Variants in NUP88 observed in about 807,000 individuals in gnomAD.
NUP88 encodes the protein nuclear pore complex protein Nup88.
NUP88 carries 57 observed loss-of-function variants against 93.9 expected under a neutral mutation model. The ratio of observed to expected loss-of-function variants is 0.61; its 90% CI spans 0.49 to 0.76. The LOEUF (loss-of-function observed/expected upper bound fraction) is 0.76, where lower values mean the gene tolerates loss of function less well. NUP88 is among the 30% of genes least tolerant of loss of function. The pLI, the probability that NUP88 is intolerant of heterozygous loss-of-function variation, is 0.00. For missense variants in NUP88, 911 were observed against 901.0 expected (o/e 1.01, Z -0.14); for synonymous variants, 346 against 336.8 (o/e 1.03, Z -0.30).
In NUP88 at chr17:5,386,233, A is replaced by G. The variant is rs753470004; in HGVS notation, c.2199T>C (p.Asn733=). The G allele has an allele frequency of 3.2e-5, 51 of 1,613,274 alleles. 1 individual carries two copies. The South Asian group carries it at 5.3e-4, about 17-fold the overall frequency. ...AGAAGTTTACATGATTGCGGATATC[A>G]TTGATTTGCTTCACCATTTCCCTTA... is the stretch of plus-strand genomic sequence containing the variant. ...EHIREMVKQI[N]DIRNHVNF Residue 733 remains asparagine (N), a synonymous_variant, in exon 17 of 17, where the codon AAT becomes AAC. Transcript: ENST00000573584.
chr17:5,409,051 C>G, intron 4 of NUP88, 142 bp from the exon 5 acceptor site: 1 of 646,012 alleles, frequency 1.5e-6, no homozygotes, highest in Non-Finnish European at 2.5e-6. Context: ...ACTGAAAAGA[C>G]AAAAAATGAT....
At position 5,387,605 on chromosome 17, in the gene NUP88, C is replaced by T. The variant is rs1273940668; in HGVS notation, c.1835G>A (p.Arg612Lys). ...LEDLSYCREERKSLREMAERL... is the reference protein window; with the variant it reads ...LEDLSYCREEKKSLREMAERL... The stretch of plus-strand genomic sequence containing the variant: ...TATTCTTCTTATTTTTGACACTTAC[C>T]TCTCTTCTCGACAATAACTGAGATC... The change falls in exon 13 of 17, where the codon AGG (arginine) becomes AAG (lysine). Residue 612 changes from arginine (R) to lysine (K), a missense_variant and splice_region_variant. Arg to Lys is a conservative substitution (Grantham distance 26, BLOSUM62 2). Transcript: ENST00000573584. 3.7e-6 allele frequency: 6 copies of T among 1,612,500 alleles called. No homozygotes were observed. The highest frequency in any genetic ancestry group is 4.2e-6 in the Non-Finnish European group (5 of 1,178,832).
chr17:5,416,734 G>C, intron 1 of NUP88, 52 bp from the exon 2 acceptor site: 4 of 1,433,446 alleles, frequency 2.8e-6, no homozygotes, highest in African/African-American at 1.5e-5. Context: ...TTAAATATAG[G>C]TGGCAGTTAC....
chr17:5,402,524 G>T (rs1164269927), intron 7 of NUP88, among the ~76,000 whole-genome samples: 1 of 152,126 alleles, frequency 6.6e-6, no homozygotes, highest in Non-Finnish European at 1.5e-5. Flanking sequence ...TACACTCTTT[G>T]CTGGTTTGTT....
Position 5,404,044 on chromosome 17 carries a change from T to C in NUP88, c.1192+55A>G, listed in dbSNP as rs2151642161. ...TACATTACATAGGAACAGTCTATGA[T>C]AGTCTTAGTATAAAAATCATGGGAA... On this transcript the variant is annotated intron_variant, in intron 7 of 16. Coordinates refer to ENST00000573584, the MANE Select transcript of NUP88 (RefSeq NM_002532.6). 3 of 1,530,284 alleles carry C rather than the reference T, an allele frequency of 2.0e-6. No individual in the cohort carries two copies. The South Asian group carries it at 3.4e-5, about 17-fold the overall frequency. 94.8% of individuals were successfully genotyped at this position (1,530,284 alleles called of 1,614,324 possible).
At chr17:5,389,006 C>G (rs1597313682) in intron 10 of NUP88, 46 bp from the exon 11 acceptor site, 1 of 1,446,062 alleles carries the variant, frequency 6.9e-7, no homozygotes, top group East Asian at 2.3e-5. Context: ...GAGTGATTTA[C>G]TGTATTACAG....
At chr17:5,398,269 T>G (rs1180556098) in intron 8 of NUP88, among the ~76,000 whole-genome samples, 2 of 151,586 alleles carry the variant, frequency 1.3e-5, no homozygotes, top group African/African-American at 4.8e-5. Context: ...TTTTGATTAC[T>G]AATCAATCTC....
intron 1 of NUP88, 136 bp downstream of exon 1, chr17:5,419,218 G>T: frequency 4.0e-6 from 4 of 1,007,604 alleles, no homozygotes; most frequent in Non-Finnish European, 5.4e-6. Context: ...GAGTCCCCGC[G>T]ACCGCGTATG....
chr17:5,398,184 T>G (rs1027310001), intron 8 of NUP88, among the ~76,000 whole-genome samples: 2 of 152,122 alleles, frequency 1.3e-5, no homozygotes, highest in Admixed American at 1.3e-4. Context: ...ATTATAGGCG[T>G]AGGCCACTGC....
rs769892507 is a variant in NUP88, at chr17:5,387,887, A to G, written c.1661T>C (p.Ile554Thr). 5.0e-6 allele frequency: 8 copies of G among 1,613,526 alleles called. No individual in the cohort carries two copies. Among genetic ancestry groups the G allele is most frequent in the East Asian group, 2.2e-5 (1 of 44,892 alleles). Residue 554 changes from isoleucine to threonine, a missense_variant, in exon 12 of 17, where the codon ATA becomes ACA. Transcript: ENST00000573584. ...AAGGCATTCTTCAGGAGGAGGGGCTATGTCCTTTTCAGAAGCTCTTAAAAA... is the reference window on the plus strand; with the variant it reads ...AAGGCATTCTTCAGGAGGAGGGGCTGTGTCCTTTTCAGAAGCTCTTAAAAA... ...PAFLKASEKD[I>T]APPPEECLQL...
At chr17:5,418,038 G>GC (rs967036950) in intron 1 of NUP88, 7 of 149,860 alleles carry the variant, frequency 4.7e-5, no homozygotes, top group African/African-American at 1.7e-4. Context: ...TACTCGCGGG[G>GC]GGGGCTGAGG....
Position 5,399,599 on chromosome 17 carries a change from C to G in NUP88, c.1244G>C (p.Ser415Thr), listed in dbSNP as rs773175859. 4.5e-5 allele frequency: 72 copies of G among 1,611,012 alleles called. No individual in the cohort carries two copies. Among genetic ancestry groups the G allele is most frequent in the Non-Finnish European group, 5.5e-5 (65 of 1,178,058 alleles). The change falls in exon 8 of 17, where the codon AGT (serine) becomes ACT (threonine). Residue 415 changes from serine (S) to threonine (T), a missense_variant. By Grantham distance (58) the Ser-to-Thr change is moderately conservative. Transcript: ENST00000573584. ...YHCTHEAGVH[S>T]VGLTWIHKLH... ...TTTATGAATCCAAGTTAGCCCAACA[C>G]TATGTACACCAGCTTCATGAGTACA...
chr17:5,404,214 G>T lies in NUP88; in HGVS notation c.1077C>A (p.Leu359=). 1.9e-6 allele frequency: 3 copies of T among 1,614,144 alleles called. No individual in the cohort carries two copies. Among genetic ancestry groups the T allele is most frequent in the Non-Finnish European group, 2.5e-6 (3 of 1,179,992 alleles). ...SEKSWDSRID[L]IPSLYVFECV... is the part of the protein sequence containing the mutation. The stretch of plus-strand genomic sequence containing the variant: ...ATTCAAACACATACAGAGAAGGAAT[G>T]AGGTCAATCCTGGAATCCCAGGACT... The change falls in exon 7 of 17, where the codon CTC becomes CTA. Residue 359 remains leucine (L), a synonymous_variant. Coordinates refer to ENST00000573584, the MANE Select transcript of NUP88 (RefSeq NM_002532.6).
intron 7 of NUP88, among the ~76,000 whole-genome samples, chr17:5,400,809 G>C (rs1913115182): frequency 5.9e-5 from 9 of 152,188 alleles, no homozygotes; most frequent in Admixed American, 1.3e-4. Flanking sequence ...GAAATGAGAA[G>C]TGAAGTTTCG....
chr17:5,413,433 G>C (rs1167402737), intron 3 of NUP88, among the ~76,000 whole-genome samples: 1 of 152,184 alleles, frequency 6.6e-6, no homozygotes, highest in Non-Finnish European at 1.5e-5. Context: ...AAAACTGAAG[G>C]TATCTGTACC....
chr17:5,419,569 G>A lies in NUP88; in HGVS notation c.82C>T (p.Arg28Trp), dbSNP rs1363475769. ...GGACTCTGGTTTTTCAGTCCCTCCC[G>A]GAGCCGCAAGAACACGACGTGGTTA... ...LPNHVVFLRL[R>W]EGLKNQSPTE... Residue 28 changes from arginine to tryptophan, a missense_variant, in exon 1 of 17, where the codon CGG (arginine) becomes TGG (tryptophan). Coordinates refer to ENST00000573584, the MANE Select transcript of NUP88 (RefSeq NM_002532.6). 6.2e-7 allele frequency: 1 copy of A among 1,610,720 alleles called. No homozygotes were observed. Among genetic ancestry groups the A allele is most frequent in the East Asian group, 2.2e-5 (1 of 44,796 alleles).
intron 10 of NUP88, among the ~76,000 whole-genome samples, chr17:5,390,080 A>G (rs536564846): frequency 6.8e-6 from 1 of 147,566 alleles, no homozygotes; most frequent in South Asian, 2.2e-4. Context: ...CAGGAGAATC[A>G]CTTGAACCCG....
At chr17:5,402,528 G>A (rs1042527572) in intron 7 of NUP88, among the ~76,000 whole-genome samples, 4 of 152,126 alleles carry the variant, frequency 2.6e-5, no homozygotes, top group Non-Finnish European at 4.4e-5. Flanking sequence ...CTCTTTGCTG[G>A]TTTGTTATGT....
At position 5,406,882 on chromosome 17, in the gene NUP88, G is replaced by A. The variant is rs565474104; in HGVS notation, c.858-1639C>T. 3.9e-5 allele frequency among the ~76,000 whole-genome samples: 6 copies of A among 152,262 alleles called. No homozygotes were observed. In the East Asian group the frequency reaches 1.2e-3, roughly 29 times the overall value. ...CTGGGCTGCGCGCAGCCCGTGGGTTGGACAAGCTTGGTGTATACTTTCGAA... is the reference window on the plus strand; with the variant it reads ...CTGGGCTGCGCGCAGCCCGTGGGTTAGACAAGCTTGGTGTATACTTTCGAA... On this transcript the variant is annotated intron_variant, in intron 5 of 16. Transcript: ENST00000573584.
Sources: gnomAD v4.1 joint callset for allele counts (sites outside exome capture counted in the v4.1 genomes callset) on GRCh38, gnomAD v4.1.1 for gene constraint, MANE v1.5 for transcripts, NCBI Gene and HGNC (gene_info 2026-07-23, HGNC 2026-07-21) for gene names.